CDH18: variants seen among roughly 807,000 people sequenced by gnomAD.
CDH18 encodes the protein cadherin-18.
In CDH18, 31 loss-of-function variants were observed where a neutral mutation model predicts 67.9. The observed-to-expected ratio is 0.46, with a 90% CI of 0.34 to 0.62. The LOEUF (loss-of-function observed/expected upper bound fraction) is 0.62. Ranked by LOEUF, CDH18 falls within the 20% of genes least tolerant of loss-of-function variation. The probability of loss-of-function intolerance (pLI) is 0.01; values close to 1 mark genes in which losing one functional copy is unlikely to be tolerated. For missense variants in CDH18, 890 were observed against 975.5 expected (o/e 0.91, Z 1.17); for synonymous variants, 362 against 347.2 (o/e 1.04, Z -0.48).
chr5:19,699,598 G>A (rs532971089), intron 5 of CDH18, among the ~76,000 whole-genome samples: 155 of 149,566 alleles, frequency 1.0e-3, no homozygotes, highest in African/African-American at 3.6e-3. Flanking sequence ...GAGAGATGAT[G>A]TCTCTCTTTC....
intron 2 of CDH18, among the ~76,000 whole-genome samples, chr5:20,098,827 C>T (rs1746211732): frequency 1.3e-5 from 2 of 151,966 alleles, no homozygotes; most frequent in African/African-American, 4.8e-5. Flanking sequence ...TTTTGCTATA[C>T]TTGGTCATGA....
At chr5:20,406,767 C>A (rs560155778) in intron 1 of CDH18, among the ~76,000 whole-genome samples, 6 of 151,952 alleles carry the variant, frequency 3.9e-5, no homozygotes, top group African/African-American at 1.5e-4. Flanking sequence ...AATAGGGAAC[C>A]CCAAGCTCTT....
chr5:19,810,325 C>G (rs62355782), intron 3 of CDH18, among the ~76,000 whole-genome samples: 3 of 150,854 alleles, frequency 2.0e-5, no homozygotes, highest in Non-Finnish European at 4.4e-5. Context: ...AGTGAGACTC[C>G]GTCTCAAAAA....
At chr5:19,694,147 G>T (rs1489371859) in intron 5 of CDH18, among the ~76,000 whole-genome samples, 1 of 152,026 alleles carries the variant, frequency 6.6e-6, no homozygotes, top group African/African-American at 2.4e-5. Flanking sequence ...ACATCAATAG[G>T]TCTAATTTCG....
chr5:19,673,961 A>C (rs528690619), intron 5 of CDH18, among the ~76,000 whole-genome samples: 1 of 152,186 alleles, frequency 6.6e-6, no homozygotes, highest in African/African-American at 2.4e-5. Context: ...TTTTAATCAC[A>C]TCTTTAAAGA....
intron 2 of CDH18, among the ~76,000 whole-genome samples, chr5:19,884,267 C>T (rs1787963259): frequency 6.6e-6 from 1 of 152,060 alleles, no homozygotes; most frequent in Non-Finnish European, 1.5e-5. Flanking sequence ...AAATTGTTTT[C>T]ACTAAAACTT....
chr5:20,339,596 A>G (rs1464158237), intron 1 of CDH18, among the ~76,000 whole-genome samples: 4 of 151,970 alleles, frequency 2.6e-5, no homozygotes, highest in South Asian at 4.1e-4. Flanking sequence ...CTTATCCAGG[A>G]CTTCCTAGAA....
chr5:19,513,053 T>C (rs1745371282), intron 10 of CDH18, among the ~76,000 whole-genome samples: 3 of 152,020 alleles, frequency 2.0e-5, no homozygotes, highest in Admixed American at 2.0e-4. Flanking sequence ...GGTTTTTATT[T>C]ATATATTTAA....
intron 2 of CDH18, among the ~76,000 whole-genome samples, chr5:19,966,995 A>G (rs1797510100): frequency 1.3e-5 from 2 of 152,052 alleles, no homozygotes; most frequent in South Asian, 4.1e-4. Context: ...GCACATCCAT[A>G]TAATATATTT....
chr5:19,525,776 T>C (rs1197759077), intron 9 of CDH18, among the ~76,000 whole-genome samples: 1 of 152,186 alleles, frequency 6.6e-6, no homozygotes, highest in African/African-American at 2.4e-5. Context: ...TTATTTCTTG[T>C]GTCCTTGGGT....
intron 1 of CDH18, among the ~76,000 whole-genome samples, chr5:20,489,454 T>G (rs1458793441): frequency 6.6e-6 from 1 of 152,088 alleles, no homozygotes; most frequent in Admixed American, 6.6e-5. Flanking sequence ...TGTTTAAAAC[T>G]TTTAGATGGA....
intron 2 of CDH18, among the ~76,000 whole-genome samples, chr5:19,933,498 C>T (rs1793926440): frequency 6.6e-6 from 1 of 151,478 alleles, no homozygotes. Flanking sequence ...CAGCTATTGT[C>T]CCAATTTTTG....
At chr5:20,483,897 C>T (rs1752992684) in intron 1 of CDH18, among the ~76,000 whole-genome samples, 1 of 151,786 alleles carries the variant, frequency 6.6e-6, no homozygotes, top group Non-Finnish European at 1.5e-5. Context: ...AAATACCCCA[C>T]AAGCATAGGC....
intron 1 of CDH18, among the ~76,000 whole-genome samples, chr5:20,392,010 T>A (rs898240458): frequency 1.7e-4 from 26 of 152,102 alleles, no homozygotes; most frequent in African/African-American, 6.3e-4. Flanking sequence ...CTAAATGAAC[T>A]TACATCCATT....
chr5:20,282,608 C>T (rs891993320), intron 1 of CDH18, among the ~76,000 whole-genome samples: 49 of 152,060 alleles, frequency 3.2e-4, no homozygotes, highest in African/African-American at 1.1e-3. Flanking sequence ...CTGCTGGATT[C>T]GATTTGCCAG....
chr5:19,561,121 G>A (rs1219677007), intron 8 of CDH18, among the ~76,000 whole-genome samples: 3 of 151,970 alleles, frequency 2.0e-5, no homozygotes, highest in African/African-American at 4.8e-5. Context: ...AGAACTAAAA[G>A]TACATCTATC....
intron 2 of CDH18, among the ~76,000 whole-genome samples, chr5:20,057,846 G>T (rs1364404793): frequency 2.6e-5 from 4 of 152,072 alleles, no homozygotes; most frequent in African/African-American, 9.7e-5. Flanking sequence ...TGCTGAGAAT[G>T]TGGTGTGCTG....
chr5:19,474,976 G>T (rs1000270531), intron 12 of CDH18, among the ~76,000 whole-genome samples: 1 of 152,002 alleles, frequency 6.6e-6, no homozygotes, highest in Non-Finnish European at 1.5e-5. Context: ...ACTAGGCTGA[G>T]TATTATTTAC....
Position 19,838,049 on chromosome 5 carries a change from G to A in CDH18, c.228+710C>T, listed in dbSNP as rs576046667. Among the ~76,000 whole-genome samples, 8 of 152,128 alleles carry A rather than the reference G, an allele frequency of 5.3e-5. No homozygotes were observed. The South Asian group carries it at 8.3e-4, about 16-fold the overall frequency. ...CAGTTTGATCAGCCATTAAGTTTTC[G>A]TGTCTGCATTTTTGAGAGAAAGGGA... On this transcript the variant is annotated intron_variant, in intron 3 of 12. Transcript: ENST00000382275.
Sources: allele counts gnomAD v4.1 joint callset (sites outside exome capture counted in the v4.1 genomes callset), GRCh38; gene constraint gnomAD v4.1.1; transcripts MANE v1.5; gene names NCBI Gene and HGNC (gene_info 2026-07-23, HGNC 2026-07-21).